ATPAF1: variants seen among roughly 807,000 people sequenced by gnomAD.
ATPAF1 encodes ATP synthase mitochondrial F1 complex assembly factor 1, also known as homolog of yeast ATP11.
Under a neutral mutation model 43.9 loss-of-function variants are expected in ATPAF1, and 26 were observed. The observed-to-expected ratio is 0.59, with a 90% confidence interval of 0.43 to 0.82. ATPAF1 has a LOEUF of 0.82. ATPAF1 is among the 40% of genes least tolerant of loss of function. ATPAF1 has a pLI of 0.00. For missense variants in ATPAF1, 366 were observed against 435.0 expected (o/e 0.84, Z 1.41); for synonymous variants, 157 against 168.0 (o/e 0.93, Z 0.50).
intron 2 of ATPAF1, among the ~76,000 whole-genome samples, chr1:46,663,627 G>GT (rs138079879): frequency 3.7e-4 from 55 of 150,056 alleles, no homozygotes; most frequent in African/African-American, 9.5e-4. Context: ...TTTTGATGGG[G>GT]TTTTTTTTTT....
intron 8 of ATPAF1, among the ~76,000 whole-genome samples, chr1:46,636,620 A>G (rs1246563963): frequency 6.6e-6 from 1 of 152,088 alleles, no homozygotes; most frequent in African/African-American, 2.4e-5. Context: ...TCTAACAAGT[A>G]GACTATGACA....
chr1:46,668,411 G>C (rs944145683), upstream of ATPAF1: 6 of 1,174,020 alleles, frequency 5.1e-6, no homozygotes, highest in Non-Finnish European at 6.3e-6. This position sits in a 1 kb window ranked among gnomAD's most constrained non-coding sequence, Gnocchi z 4.4. Flanking sequence ...AGTGCGCCGC[G>C]CCCGCGCTCC....
At chr1:46,667,864 A>G (rs1259502305) in intron 1 of ATPAF1, among the ~76,000 whole-genome samples, 193 bp downstream of exon 1, 2 of 152,224 alleles carry the variant, frequency 1.3e-5, no homozygotes, top group Non-Finnish European at 2.9e-5. Context: ...AGGGCTTTGC[A>G]GAGACTCCCA....
rs620431 is a variant in ATPAF1, at chr1:46,652,517, G to A, written c.588+64C>T. The A allele has an allele frequency of 4.2e-6, 6 of 1,445,474 alleles. 1 individual carries two copies. In the South Asian group the frequency reaches 5.8e-5, roughly 14 times the overall value. The allele number at this position is 1,445,474 out of a possible 1,614,324, so 89.5% of individuals were successfully genotyped here. On this transcript the variant is annotated intron_variant, in intron 6 of 8. Coordinates refer to ENST00000574428, the Ensembl canonical transcript of ATPAF1. ...GAGACAGTATGGAATATGACGTGATGGGCTGGAAAATACTTGTTTGGCAAC... is the reference window on the plus strand; with the variant it reads ...GAGACAGTATGGAATATGACGTGATAGGCTGGAAAATACTTGTTTGGCAAC...
chr1:46,635,937 C>A (rs202211942), exon 9 of ATPAF1: 1 of 1,614,244 alleles, frequency 6.2e-7, no homozygotes, highest in Non-Finnish European at 8.5e-7. Context: ...AAGAGCTGAA[C>A]TTGGTTGGCG....
upstream of ATPAF1, chr1:46,668,428 G>GAGGTTCCGCGCGCCCA: frequency 8.7e-7 from 1 of 1,155,834 alleles, no homozygotes; most frequent in Non-Finnish European, 1.1e-6. The surrounding 1 kb of genome is among the most constrained non-coding windows in gnomAD (Gnocchi z 4.4). Flanking sequence ...CTCCGGCACC[G>GAGGTTCCGCGCGCCCA]AGGTTCCGCG....
intron 8 of ATPAF1, among the ~76,000 whole-genome samples, chr1:46,642,575 GA>G (rs769476490): frequency 4.9e-4 from 75 of 152,112 alleles, no homozygotes; most frequent in Non-Finnish European, 8.7e-4. Context: ...AAGGAGGAAA[GA>G]AAAACACTAT....
At chr1:46,659,291 T>G (rs1380051579) in intron 2 of ATPAF1, among the ~76,000 whole-genome samples, 2 of 152,190 alleles carry the variant, frequency 1.3e-5, no homozygotes, top group Non-Finnish European at 2.9e-5. Flanking sequence ...ATAAGATTTC[T>G]CTCTCAGTAA....
At chr1:46,651,922 C>T (rs1040867072) in intron 6 of ATPAF1, among the ~76,000 whole-genome samples, 1 of 152,042 alleles carries the variant, frequency 6.6e-6, no homozygotes, top group Non-Finnish European at 1.5e-5. Context: ...CCAAAAAACA[C>T]AAGAAAAAAT....
At chr1:46,638,619 T>A (rs1399102244) in intron 8 of ATPAF1, among the ~76,000 whole-genome samples, 5 of 37,158 alleles carry the variant, frequency 1.3e-4, no homozygotes, top group Non-Finnish European at 4.0e-4. Flanking sequence ...CAAGACTGTC[T>A]CCAAAAAAAA....
intron 8 of ATPAF1, 109 bp downstream of exon 8, chr1:46,643,085 C>A: frequency 2.4e-6 from 2 of 827,516 alleles, no homozygotes; most frequent in Non-Finnish European, 3.9e-6. Context: ...AAGTAAGAAA[C>A]AAGGTATATG....
intron 2 of ATPAF1, among the ~76,000 whole-genome samples, chr1:46,661,111 C>T (rs11801419): frequency 0.27 from 39,928 of 150,112 alleles, 5,583 homozygotes; most frequent in East Asian, 0.38. Flanking sequence ...CTCACTCTGT[C>T]GCCCACGCTG....
intron 2 of ATPAF1, among the ~76,000 whole-genome samples, chr1:46,659,057 G>A (rs909739831): frequency 3.3e-5 from 5 of 151,784 alleles, no homozygotes; most frequent in Admixed American, 1.3e-4. Flanking sequence ...TGGGCATAGT[G>A]GCGGGTGCCT....
chr1:46,657,137 G>A (rs754337405), intron 4 of ATPAF1, among the ~76,000 whole-genome samples: 7 of 152,140 alleles, frequency 4.6e-5, no homozygotes, highest in Non-Finnish European at 1.0e-4. Flanking sequence ...TGGGAATAAT[G>A]GCACCCACTT....
At chr1:46,665,673 C>A in intron 1 of ATPAF1, 1 of 1,535,582 alleles carries the variant, frequency 6.5e-7, no homozygotes, top group South Asian at 1.2e-5. Context: ...ATTTTGAGGT[C>A]ATCTTGCTGG....
chr1:46,658,215 T>G (rs1408971884), intron 3 of ATPAF1, 26 bp from the exon 4 acceptor site: 4 of 1,495,586 alleles, frequency 2.7e-6, no homozygotes, highest in Non-Finnish European at 3.6e-6. Flanking sequence ...AAAAAGCAAT[T>G]AACACATAAT....
intron 1 of ATPAF1, among the ~76,000 whole-genome samples, chr1:46,667,232 T>C (rs1676505874): frequency 6.6e-6 from 1 of 152,188 alleles, no homozygotes; most frequent in Admixed American, 6.5e-5. Flanking sequence ...ATTAAGGCAG[T>C]GGAAGTAGAG....
intron 8 of ATPAF1, among the ~76,000 whole-genome samples, chr1:46,639,654 A>G (rs939132472): frequency 6.6e-6 from 1 of 152,206 alleles, no homozygotes; most frequent in African/African-American, 2.4e-5. Context: ...CTATGCCTAA[A>G]GTGCACAATT....
intron 2 of ATPAF1, among the ~76,000 whole-genome samples, chr1:46,663,241 A>T (rs1676428044): frequency 6.6e-6 from 1 of 152,242 alleles, no homozygotes; most frequent in East Asian, 1.9e-4. Flanking sequence ...CGCAATAAAC[A>T]TACATGTGCA....
Sources: gnomAD v4.1 joint callset for allele counts (sites outside exome capture counted in the v4.1 genomes callset) on GRCh38, gnomAD v4.1.1 for gene constraint, Gnocchi (gnomAD v3.1) non-coding constraint, MANE v1.5 for transcripts, NCBI Gene and HGNC (gene_info 2026-07-23, HGNC 2026-07-21) for gene names.